Variants in REEP1 observed in about 807,000 individuals in gnomAD.
REEP1 encodes the protein receptor accessory protein 1.
REEP1 carries 22 observed loss-of-function variants against 40.3 expected under a neutral mutation model. The ratio of observed to expected loss-of-function variants is 0.55; its 90% CI spans 0.39 to 0.78. The LOEUF (loss-of-function observed/expected upper bound fraction) is 0.78, where lower values mean the gene tolerates loss of function less well. Among genes scored for constraint, REEP1 ranks in the 30% least tolerant of loss-of-function variants. The pLI is 0.00. For missense variants in REEP1, 280 were observed against 361.1 expected (o/e 0.78, Z 1.82); for synonymous variants, 116 against 139.2 (o/e 0.83, Z 1.17).
At position 86,225,836 on chromosome 2, in the gene REEP1, C is replaced by T. The variant is rs181838444; in HGVS notation, c.631+1527G>A. Among the ~76,000 whole-genome samples, 372 of 152,350 alleles carry T rather than the reference C, an allele frequency of 2.4e-3. 3 individuals carry two copies. Among genetic ancestry groups the T allele is most frequent in the African/African-American group, 8.4e-3 (350 of 41,576 alleles). Reference sequence around the variant, plus strand: ...CCCCTCTTGCCTTCCAAGCCTAAGGCAGCTTCTCTATGGGGAGCCAGGCAG... The same window carrying T: ...CCCCTCTTGCCTTCCAAGCCTAAGGTAGCTTCTCTATGGGGAGCCAGGCAG... On this transcript the variant is annotated intron_variant, in intron 7 of 8. Coordinates refer to ENST00000538924, the MANE Select transcript of REEP1 (RefSeq NM_001371279.1).
At chr2:86,238,129 C>G (rs557745029) in intron 5 of REEP1, among the ~76,000 whole-genome samples, 1 of 152,048 alleles carries the variant, frequency 6.6e-6, no homozygotes, top group Non-Finnish European at 1.5e-5. Flanking sequence ...TGAGGTGAGC[C>G]GAGATCGTGC....
chr2:86,217,406 A>G (rs377684238), intron 8 of REEP1, among the ~76,000 whole-genome samples: 6 of 152,140 alleles, frequency 3.9e-5, no homozygotes, highest in African/African-American at 1.4e-4. Flanking sequence ...CTGCCTGAGG[A>G]GCAAAATTAT....
chr2:86,266,675 AT>A (rs1677157759), intron 2 of REEP1, among the ~76,000 whole-genome samples: 1 of 147,894 alleles, frequency 6.8e-6, no homozygotes, highest in Non-Finnish European at 1.5e-5. Context: ...AAATAAATAA[AT>A]AAATAAAGAT....
intron 7 of REEP1, 132 bp from the exon 8 acceptor site, chr2:86,220,253 C>G (rs2367205): frequency 0.9 from 453,485 of 502,070 alleles, 205,371 homozygotes; most frequent in East Asian, 0.96. Flanking sequence ...TGAGGCCCCT[C>G]GGTCTGAGGA....
At chr2:86,244,312 G>C (rs1255352166) in intron 5 of REEP1, among the ~76,000 whole-genome samples, 1 of 151,910 alleles carries the variant, frequency 6.6e-6, no homozygotes, top group Non-Finnish European at 1.5e-5. Flanking sequence ...GTGGGAGAGG[G>C]CTTTTTTTTT....
intron 1 of REEP1, among the ~76,000 whole-genome samples, chr2:86,295,697 G>A (rs775620211): frequency 2.0e-5 from 3 of 151,978 alleles, no homozygotes; most frequent in Non-Finnish European, 4.4e-5. Context: ...CCACCACCAC[G>A]CCCAGCTAAT....
chr2:86,307,800 G>A (rs76976584), intron 1 of REEP1, among the ~76,000 whole-genome samples: 5 of 151,758 alleles, frequency 3.3e-5, no homozygotes, highest in East Asian at 1.9e-4. Context: ...TTTCTATTAC[G>A]TTACCAAGAG....
intron 7 of REEP1, among the ~76,000 whole-genome samples, chr2:86,224,462 C>T (rs1385926871): frequency 2.0e-5 from 3 of 152,198 alleles, no homozygotes; most frequent in Non-Finnish European, 4.4e-5. Context: ...GAGGGGGAGA[C>T]TGAGGCCTGC....
At chr2:86,295,242 T>C (rs1161461307) in intron 1 of REEP1, among the ~76,000 whole-genome samples, 1 of 152,080 alleles carries the variant, frequency 6.6e-6, no homozygotes, top group Non-Finnish European at 1.5e-5. Context: ...TTGGCCAACC[T>C]GGGGAAGAAG....
At chr2:86,233,213 T>A (rs2104058929) in intron 5 of REEP1, among the ~76,000 whole-genome samples, 1 of 152,354 alleles carries the variant, frequency 6.6e-6, no homozygotes, top group South Asian at 2.1e-4. Context: ...TCTCAGTACA[T>A]GAGAATCTGG....
chr2:86,233,239 C>T (rs911038893), intron 5 of REEP1, among the ~76,000 whole-genome samples: 15 of 152,308 alleles, frequency 9.8e-5, no homozygotes, highest in Admixed American at 2.6e-4. Flanking sequence ...CAATCAAAAC[C>T]TAATATTCTA....
intron 2 of REEP1, among the ~76,000 whole-genome samples, chr2:86,264,344 CA>C (rs1298654888): frequency 6.6e-6 from 1 of 152,136 alleles, no homozygotes; most frequent in Non-Finnish European, 1.5e-5. Context: ...TTCAGAACAT[CA>C]GGGGAGAAAA....
chr2:86,254,775 G>A lies in REEP1; in HGVS notation c.222C>T (p.Ala74=), dbSNP rs1676461537. ...FYYELKIAFV[A]WLLSPYTKGS... ...CTTTTGTGTAGGGAGACAGCAGCCA[G>A]GCTACAAATGCTATTTTTAGTTCAT... is the stretch of plus-strand genomic sequence containing the variant. The change falls in exon 4 of 9, where the codon GCC becomes GCT. Residue 74 remains alanine (A), a synonymous_variant. Transcript: ENST00000538924. The A allele has an allele frequency of 1.9e-6, 3 of 1,613,984 alleles. No homozygotes were observed. The highest frequency in any genetic ancestry group is 2.2e-5 in the South Asian group (2 of 91,082).
intron 2 of REEP1, among the ~76,000 whole-genome samples, chr2:86,266,607 C>T (rs1242269467): frequency 6.6e-6 from 1 of 150,820 alleles, no homozygotes; most frequent in Non-Finnish European, 1.5e-5. Context: ...GCCTGGGCGA[C>T]AGAGCGAGAC....
intron 4 of REEP1, among the ~76,000 whole-genome samples, chr2:86,254,358 T>C (rs921264568): frequency 6.6e-6 from 1 of 152,172 alleles, no homozygotes; most frequent in Non-Finnish European, 1.5e-5. Context: ...ATAGTCTATG[T>C]AAAAATCATG....
chr2:86,232,485 T>G, intron 6 of REEP1, 140 bp downstream of exon 6: 1 of 1,057,918 alleles, frequency 9.5e-7, no homozygotes, highest in Non-Finnish European at 1.4e-6. Flanking sequence ...TTGGCTGACC[T>G]GGCATGATCT....
At chr2:86,246,827 G>C (rs1675986299) in intron 5 of REEP1, among the ~76,000 whole-genome samples, 1 of 151,164 alleles carries the variant, frequency 6.6e-6, no homozygotes, top group Non-Finnish European at 1.5e-5. Context: ...TCAGCCTTCC[G>C]AGTAGCTAGG....
At chr2:86,277,624 G>A (rs1677838867) in intron 2 of REEP1, among the ~76,000 whole-genome samples, 1 of 151,494 alleles carries the variant, frequency 6.6e-6, no homozygotes, top group African/African-American at 2.4e-5. Context: ...CAAGACCTCA[G>A]ATTCCTCAGG....
intron 7 of REEP1, among the ~76,000 whole-genome samples, chr2:86,222,042 CTGA>C (rs1228569135): frequency 6.6e-6 from 1 of 152,166 alleles, no homozygotes; most frequent in Non-Finnish European, 1.5e-5. Context: ...TTTCCCTGTA[CTGA>C]TGGTTGTGGG....
Sources: allele counts gnomAD v4.1 joint callset (sites outside exome capture counted in the v4.1 genomes callset), GRCh38; gene constraint gnomAD v4.1.1; transcripts MANE v1.5; gene names NCBI Gene and HGNC (gene_info 2026-07-23, HGNC 2026-07-21).